TRIP13: variants seen among roughly 807,000 people sequenced by gnomAD.
TRIP13 encodes the protein pachytene checkpoint protein 2 homolog.
A neutral mutation model predicts 54.4 loss-of-function variants in TRIP13; 25 were observed. The ratio of observed to expected loss-of-function variants is 0.46; its 90% CI spans 0.33 to 0.64. TRIP13 has a LOEUF of 0.64. TRIP13 is among the 30% of genes least tolerant of loss of function. The probability of loss-of-function intolerance (pLI) is 0.02; values close to 1 mark genes in which losing one functional copy is unlikely to be tolerated. For missense variants in TRIP13, 373 were observed against 534.2 expected (o/e 0.70, Z 2.97); for synonymous variants, 207 against 207.8 (o/e 1.00, Z 0.03).
chr5:907,087 A>G lies in TRIP13; in HGVS notation c.609-43A>G, dbSNP rs1425051251. Reference sequence around the variant, plus strand: ...TGAATGGCTGCCGCTGAGGATCCACAGGACCAGTTAGTAATTCTCTCAACT... The same window carrying G: ...TGAATGGCTGCCGCTGAGGATCCACGGGACCAGTTAGTAATTCTCTCAACT... On this transcript the variant is annotated intron_variant, in intron 6 of 12. Coordinates refer to ENST00000166345, the MANE Select transcript of TRIP13 (RefSeq NM_004237.4). The surrounding 1 kb of genome is among the most constrained non-coding windows in gnomAD (Gnocchi z 4.1). 2.5e-6 allele frequency: 4 copies of G among 1,572,078 alleles called. No individual in the cohort carries two copies. The highest frequency in any genetic ancestry group is 2.2e-5 in the South Asian group (2 of 89,958).
Position 908,180 on chromosome 5 carries a change from G to A in TRIP13, c.759+106G>A. ...AGCTTTCCCCTCCTACAGCCGGGCT[G>A]CCCTCTATCCCTCCCTGCACTGTGC... On this transcript the variant is annotated intron_variant, in intron 8 of 12. Coordinates refer to ENST00000166345, the MANE Select transcript of TRIP13 (RefSeq NM_004237.4). This position sits in a 1 kb window ranked among gnomAD's most constrained non-coding sequence, Gnocchi z 5.2. 1.4e-6 allele frequency: 2 copies of A among 1,441,702 alleles called. No individual in the cohort carries two copies. The highest frequency in any genetic ancestry group is 1.2e-5 in the South Asian group (1 of 85,690). 89.3% of individuals were successfully genotyped at this position (1,441,702 alleles called of 1,614,324 possible). A position where few individuals can be genotyped will look rare whatever the true frequency, so the allele number is the denominator to read the frequency against.
chr5:906,468 GTC>G (rs1259746482), intron 6 of TRIP13, among the ~76,000 whole-genome samples: 2 of 152,086 alleles, frequency 1.3e-5, no homozygotes, highest in South Asian at 2.1e-4. Context: ...TCAGTAAACG[GTC>G]TCTCTCTTTT....
intron 4 of TRIP13, among the ~76,000 whole-genome samples, 182 bp from the exon 5 acceptor site, chr5:901,159 C>T (rs1224766814): frequency 1.3e-5 from 2 of 151,996 alleles, no homozygotes; most frequent in East Asian, 1.9e-4. Flanking sequence ...TTTCCTTTTC[C>T]CTTTTGGAAG....
chr5:908,089 A>G lies in TRIP13; in HGVS notation c.759+15A>G. On this transcript the variant is annotated intron_variant, in intron 8 of 12. Coordinates refer to ENST00000166345, the MANE Select transcript of TRIP13 (RefSeq NM_004237.4). The surrounding 1 kb of genome is among the most constrained non-coding windows in gnomAD (Gnocchi z 5.2). ...TGATTGATGAGGTAGGCATTTCCAG[A>G]TAAGGAAATTCATGACAGAATCGCC... The G allele has an allele frequency of 1.9e-6, 3 of 1,613,934 alleles. No homozygotes were observed. Among genetic ancestry groups the G allele is most frequent in the Non-Finnish European group, 2.5e-6 (3 of 1,179,774 alleles).
At chr5:894,676 T>C (rs1179441334) in intron 1 of TRIP13, 111 bp from the exon 2 acceptor site, 23 of 1,289,444 alleles carry the variant, frequency 1.8e-5, no homozygotes, top group Non-Finnish European at 2.3e-5. Flanking sequence ...CAACTTACCC[T>C]GTTAACTACT....
chr5:903,134 C>G (rs1220569873), intron 5 of TRIP13, among the ~76,000 whole-genome samples: 2 of 151,974 alleles, frequency 1.3e-5, no homozygotes, highest in Non-Finnish European at 2.9e-5. Flanking sequence ...CTCTAAACTC[C>G]CCGGGGGAAA....
In TRIP13 at chr5:917,450, G is replaced by T. The variant is rs1754362733; in HGVS notation, c.*347G>T. 4.8e-6 allele frequency: 1 copy of T among 207,812 alleles called. No homozygotes were observed. The highest frequency in any genetic ancestry group is 9.7e-6 in the Non-Finnish European group (1 of 103,546). 12.9% of individuals were successfully genotyped at this position (207,812 alleles called of 1,614,324 possible). The stretch of plus-strand genomic sequence containing the variant: ...CAAGTTTTGTTTAACAGCAAAAAAG[G>T]AAGATTAATGCAGGTGTTATAGAAG... On this transcript the variant is annotated 3_prime_UTR_variant, in exon 13 of 13. Transcript: ENST00000166345.
chr5:902,989 A>G (rs1312171742), intron 5 of TRIP13, among the ~76,000 whole-genome samples: 1 of 152,236 alleles, frequency 6.6e-6, no homozygotes, highest in East Asian at 1.9e-4. Context: ...AGCCAGGTGT[A>G]CAGGATGGAA....
At position 901,359 on chromosome 5, in the gene TRIP13, A is replaced by G. The variant is rs1314441889; in HGVS notation, c.463A>G (p.Thr155Ala). 6.2e-7 allele frequency: 1 copy of G among 1,614,072 alleles called. No individual in the cohort carries two copies. The highest frequency in any genetic ancestry group is 1.1e-5 in the South Asian group (1 of 91,062). The change falls in exon 5 of 13, where the codon ACA (threonine) becomes GCA (alanine). Residue 155 changes from threonine to alanine, a missense_variant. Physicochemically the swap from Thr to Ala is moderately conservative, Grantham distance 58. Around this residue, in one of 4 missense-constraint regions of TRIP13, gnomAD observed 119 missense variants for 223.0 expected, o/e 0.53. Transcript: ENST00000166345. Reference protein sequence around the residue: ...VKSHLLDYVMTTLLFSDKNVN... With the variant: ...VKSHLLDYVMATLLFSDKNVN... ...CTATCAGCTCCTCGATTATGTGATG[A>G]CAACTTTACTGTTTTCAGACAAGAA...
intron 5 of TRIP13, 99 bp from the exon 6 acceptor site, chr5:904,049 G>T: frequency 9.2e-7 from 1 of 1,090,274 alleles, no homozygotes; most frequent in Non-Finnish European, 1.3e-6. Flanking sequence ...GCTTTTAACT[G>T]TATTCCTTAT....
chr5:900,831 C>T (rs1468995412), intron 4 of TRIP13, among the ~76,000 whole-genome samples: 2 of 152,078 alleles, frequency 1.3e-5, no homozygotes, highest in Admixed American at 1.3e-4. Flanking sequence ...AAGCCTGGTC[C>T]GCACAAAGGA....
chr5:893,894 A>T (rs1489601944), intron 1 of TRIP13, among the ~76,000 whole-genome samples: 1 of 152,074 alleles, frequency 6.6e-6, no homozygotes, highest in Non-Finnish European at 1.5e-5. Context: ...CTGTGTAAAC[A>T]CCTTAGCGCT....
intron 1 of TRIP13, 101 bp from the exon 2 acceptor site, chr5:894,686 T>C: frequency 7.3e-7 from 1 of 1,364,488 alleles, no homozygotes; most frequent in Non-Finnish European, 9.7e-7. Flanking sequence ...TGTTAACTAC[T>C]GGGCTTTCTT....
At position 911,220 on chromosome 5, in the gene TRIP13, G is replaced by T. The variant is rs1435735928; in HGVS notation, c.867-623G>T. Among the ~76,000 whole-genome samples the T allele has an allele frequency of 6.6e-6, 1 of 152,206 alleles. No homozygotes were observed. Among genetic ancestry groups the T allele is most frequent in the Admixed American group, 6.5e-5 (1 of 15,288 alleles). The stretch of plus-strand genomic sequence containing the variant: ...GGATGATGAGTGGCCATGCCCAGGT[G>T]GTGGTGGGCACCAGAGCCCACGGTA... On this transcript the variant is annotated intron_variant, in intron 9 of 12. Coordinates refer to ENST00000166345, the MANE Select transcript of TRIP13 (RefSeq NM_004237.4). This position sits in a 1 kb window ranked among gnomAD's most constrained non-coding sequence, Gnocchi z 4.7.
In TRIP13 at chr5:911,502, C is replaced by T. The variant is rs535873283; in HGVS notation, c.867-341C>T. On this transcript the variant is annotated intron_variant, in intron 9 of 12. Transcript: ENST00000166345. This position sits in a 1 kb window ranked among gnomAD's most constrained non-coding sequence, Gnocchi z 4.7. The stretch of plus-strand genomic sequence containing the variant: ...AGGAGAATGGTGTGAACCGGCGAGG[C>T]GGAGCTTGCAGTGAGCCGAGATAGC... Among the ~76,000 whole-genome samples, 159 of 151,076 alleles carry T rather than the reference C, an allele frequency of 1.1e-3. No homozygotes were observed. The highest frequency in any genetic ancestry group is 3.6e-3 in the African/African-American group (148 of 41,088).
chr5:918,944 C>T (rs1754382424), downstream of TRIP13: 1 of 152,238 alleles, frequency 6.6e-6, no homozygotes, highest in Non-Finnish European at 1.5e-5. This position sits in a 1 kb window ranked among gnomAD's most constrained non-coding sequence, Gnocchi z 4.3. Flanking sequence ...TGACAACACC[C>T]TCACAGACAC....
rs1178879130 is a variant in TRIP13, at chr5:894,920, A to G, written c.226A>G (p.Ile76Val). The G allele has an allele frequency of 1.2e-6, 2 of 1,612,518 alleles. No homozygotes were observed. Among genetic ancestry groups the G allele is most frequent in the Middle Eastern group, 1.6e-4 (1 of 6,078 alleles). ...CAGAAATGTGCAGTCTGTGTCTATT[A>G]TTGACACAGAATTAAAGGTTAAAGA... ...LTRNVQSVSI[I>V]DTELKVKDSQ... Residue 76 changes from isoleucine (I) to valine (V), a missense_variant, in exon 2 of 13, where the codon ATT becomes GTT. By Grantham distance (29) the Ile-to-Val change is conservative (BLOSUM62 3). This residue lies in a region of TRIP13 where 151 missense variants were observed against 151.9 expected (regional missense o/e 0.99). Transcript: ENST00000166345.
chr5:914,694 T>G, intron 11 of TRIP13, 117 bp downstream of exon 11: 1 of 773,678 alleles, frequency 1.3e-6, no homozygotes, highest in Admixed American at 1.8e-5. Flanking sequence ...CTCAACACAG[T>G]ATAGGTATGA....
chr5:910,473 C>T (rs952061799), intron 9 of TRIP13, among the ~76,000 whole-genome samples: 1 of 152,018 alleles, frequency 6.6e-6, no homozygotes, highest in African/African-American at 2.4e-5. Context: ...ATGCCAGGCA[C>T]ACTCCCACAC....
Sources: allele counts gnomAD v4.1 joint callset (sites outside exome capture counted in the v4.1 genomes callset), GRCh38; gene constraint gnomAD v4.1.1; regional missense constraint gnomAD v4.1.1; non-coding constraint Gnocchi (gnomAD v3.1); transcripts MANE v1.5; gene names NCBI Gene and HGNC (gene_info 2026-07-23, HGNC 2026-07-21).